ERAP2: variants seen among roughly 807,000 people sequenced by gnomAD.
ERAP2 encodes endoplasmic reticulum aminopeptidase 2.
Under a neutral mutation model 111.1 loss-of-function variants are expected in ERAP2, and 118 were observed. The ratio of observed to expected loss-of-function variants is 1.06; its 90% CI spans 0.92 to 1.24. ERAP2 has a LOEUF of 1.24. Ranked by LOEUF, ERAP2 falls within the 50% of genes most tolerant of loss-of-function variation. ERAP2 has a pLI of 0.00. For synonymous variants in ERAP2, 410 were observed against 401.2 expected, an observed-to-expected ratio of 1.02 and a Z score of -0.26; for missense variants, 1,131 against 1,125.8, an observed-to-expected ratio of 1.00 and a Z score of -0.07.
intron 7 of ERAP2, 99 bp from the exon 8 acceptor site, chr5:96,896,274 A>G: frequency 3.1e-6 from 3 of 953,974 alleles, no homozygotes; most frequent in Non-Finnish European, 4.6e-6. Flanking sequence ...ATCGATTGAA[A>G]TCTTACCTCT....
chr5:96,909,752 G>A lies in ERAP2; in HGVS notation c.2342G>A (p.Ser781Asn). The change falls in exon 15 of 19, where the codon AGT (serine) becomes AAT (asparagine). Residue 781 changes from serine to asparagine, a missense_variant. This residue lies in a region of ERAP2 where 279 missense variants were observed against 250.9 expected (regional missense o/e 1.11). Transcript: ENST00000437043. ...CTCTTCTCCCAGTGGATGGAATCCA[G>A]TGGAAAATTAAAGTAGATGTAGACT... Reference protein sequence around the residue: ...AELFSQWMESSGKLNIPTDVL... With the variant: ...AELFSQWMESNGKLNIPTDVL... 6.2e-7 allele frequency: 1 copy of A among 1,613,972 alleles called. No individual in the cohort carries two copies. Among genetic ancestry groups the A allele is most frequent in the Non-Finnish European group, 8.5e-7 (1 of 1,179,886 alleles).
intron 9 of ERAP2, among the ~76,000 whole-genome samples, chr5:96,898,917 C>T (rs2042383): frequency 0.54 from 82,271 of 151,912 alleles, 22,344 homozygotes; most frequent in Admixed American, 0.59. Flanking sequence ...TCTCCCTTGC[C>T]ATGTGTGTGT....
intron 13 of ERAP2, 122 bp downstream of exon 13, chr5:96,903,682 A>G: frequency 1.1e-6 from 1 of 887,380 alleles, no homozygotes; most frequent in Non-Finnish European, 1.7e-6. Context: ...TGGAATTCAA[A>G]CAGTGATCAC....
In ERAP2 at chr5:96,913,309, T is replaced by G. The variant is rs1382180902; in HGVS notation, c.2517-8T>G. The stretch of plus-strand genomic sequence containing the variant: ...CTATTTAGAAACAAATTATTTTTCT[T>G]TCTTCAGGTTAATTGAACTAGGAAT... On this transcript the variant is annotated splice_polypyrimidine_tract_variant and splice_region_variant and intron_variant, in intron 16 of 18. Coordinates refer to ENST00000437043, the MANE Select transcript of ERAP2 (RefSeq NM_022350.5). 2 of 1,611,938 alleles carry G rather than the reference T, an allele frequency of 1.2e-6. No homozygotes were observed. Among genetic ancestry groups the G allele is most frequent in the Non-Finnish European group, 1.7e-6 (2 of 1,178,618 alleles).
At chr5:96,898,209 A>G (rs1318266676) in intron 9 of ERAP2, among the ~76,000 whole-genome samples, 1 of 151,988 alleles carries the variant, frequency 6.6e-6, no homozygotes, top group Non-Finnish European at 1.5e-5. Flanking sequence ...AATAATAATA[A>G]TAACAATAAT....
In ERAP2 at chr5:96,879,606, C is replaced by A; in HGVS notation, c.-80C>A. ...AAAATATTGTTCAGACCCCATGTGA[C>A]ATAACTGGAGCCAGTGCAGTGCCAT... On this transcript the variant is annotated 5_prime_UTR_variant, in exon 2 of 19. Coordinates refer to ENST00000437043, the MANE Select transcript of ERAP2 (RefSeq NM_022350.5). The A allele has an allele frequency of 8.8e-7, 1 of 1,130,602 alleles. No individual in the cohort carries two copies. Among genetic ancestry groups the A allele is most frequent in the Non-Finnish European group, 1.3e-6 (1 of 765,430 alleles). 70.0% of individuals were successfully genotyped at this position (1,130,602 alleles called of 1,614,324 possible).
intron 6 of ERAP2, among the ~76,000 whole-genome samples, chr5:96,894,245 T>A (rs572420489): frequency 6.6e-6 from 1 of 152,326 alleles, no homozygotes; most frequent in Admixed American, 6.5e-5. Flanking sequence ...CTAGAATCAG[T>A]TTATCCTGTA....
chr5:96,887,653 A>G (rs1005979622), intron 4 of ERAP2, among the ~76,000 whole-genome samples: 2 of 152,192 alleles, frequency 1.3e-5, no homozygotes, highest in African/African-American at 2.4e-5. Context: ...GATCTTTATA[A>G]TTTTTAGAGT....
chr5:96,892,200 A>T, intron 5 of ERAP2, 99 bp from the exon 6 acceptor site: 7 of 1,248,408 alleles, frequency 5.6e-6, no homozygotes, highest in Non-Finnish European at 6.8e-6. Flanking sequence ...AAGTCTGCTT[A>T]AATATGCTTA....
rs556755786 is a variant in ERAP2, at chr5:96,879,101, C to A, written c.-122-463C>A. The stretch of plus-strand genomic sequence containing the variant: ...GAGTGTGGCGGTGTGTGTCTGTAGT[C>A]CCAGCTACTCTGGAGGCTGAGGTGG... On this transcript the variant is annotated intron_variant, in intron 1 of 18. Coordinates refer to ENST00000437043, the MANE Select transcript of ERAP2 (RefSeq NM_022350.5). 3.9e-5 allele frequency among the ~76,000 whole-genome samples: 6 copies of A among 152,208 alleles called. No homozygotes were observed. The South Asian group carries it at 1.2e-3, about 32-fold the overall frequency.
In ERAP2 at chr5:96,909,030, C is replaced by T. The variant is rs141689720; in HGVS notation, c.2082C>T (p.Pro694=). 1.3e-4 allele frequency: 217 copies of T among 1,614,158 alleles called. No homozygotes were observed. The African/African-American group carries it at 2.3e-3, about 17-fold the overall frequency. ...ACCTCCAACATGAAACAAGCAGCCC[C>T]GCACTTCTCGAAGGTCTGAGTTACT... is the stretch of plus-strand genomic sequence containing the variant. ...TYYLQHETSS[P]ALLEGLSYLE... The change falls in exon 14 of 19, where the codon CCC becomes CCT. Residue 694 remains proline, a synonymous_variant. Transcript: ENST00000437043.
At chr5:96,900,539 G>A (rs1375485792) in intron 10 of ERAP2, among the ~76,000 whole-genome samples, 2 of 152,010 alleles carry the variant, frequency 1.3e-5, no homozygotes, top group Non-Finnish European at 2.9e-5. Flanking sequence ...TACAGTATAT[G>A]TTTTTCTTTT....
At chr5:96,886,291 A>T (rs1783701285) in intron 3 of ERAP2, among the ~76,000 whole-genome samples, 1 of 152,228 alleles carries the variant, frequency 6.6e-6, no homozygotes. Flanking sequence ...GAAAGGGGCC[A>T]TTATCTGGTA....
In ERAP2 at chr5:96,918,852, GC is replaced by G. The variant is rs1787713192; in HGVS notation, c.*1248del. ...ATGCAGCACCATATTTTATAACCCAGCTTTAGCATTTCTTCATATTTTAAGG... is the reference window on the plus strand; with the variant it reads ...ATGCAGCACCATATTTTATAACCCAGTTTAGCATTTCTTCATATTTTAAGG... On this transcript the variant is annotated 3_prime_UTR_variant, in exon 19 of 19. Coordinates refer to ENST00000437043, the MANE Select transcript of ERAP2 (RefSeq NM_022350.5). 6.6e-6 allele frequency: 1 copy of G among 152,136 alleles called. No homozygotes were observed. Among genetic ancestry groups the G allele is most frequent in the Non-Finnish European group, 1.5e-5 (1 of 68,020 alleles). The allele number at this position is 152,136 out of a possible 1,614,324, so 9.4% of individuals were successfully genotyped here.
Position 96,887,060 on chromosome 5 carries a change from G to A in ERAP2, c.849+271G>A, listed in dbSNP as rs180753975. On this transcript the variant is annotated intron_variant, in intron 4 of 18. Coordinates refer to ENST00000437043, the MANE Select transcript of ERAP2 (RefSeq NM_022350.5). ...AGTATTTACTTACTATATATGTAAA[G>A]GTAATTTTCAAAGTATATATATATA... Among the ~76,000 whole-genome samples the A allele has an allele frequency of 3.9e-5, 5 of 129,016 alleles. No individual in the cohort carries two copies. The East Asian group carries it at 1.1e-3, about 29-fold the overall frequency. 84.6% of individuals were successfully genotyped at this position (129,016 alleles called of 152,430 possible).
chr5:96,901,680 A>G lies in ERAP2; in HGVS notation c.1747A>G (p.Arg583Gly), dbSNP rs755035442. Reference protein sequence around the residue: ...EDPEWRALQERYLWHIPLTYS... With the variant: ...EDPEWRALQEGYLWHIPLTYS... ...CCCTGAATGGAGGGCCCTGCAGGAG[A>G]GGTGGCTGCTTTTCTTCTTTAGGTC... is the stretch of plus-strand genomic sequence containing the variant. Residue 583 changes from arginine (R) to glycine (G), a missense_variant and splice_region_variant, in exon 11 of 19, where the codon AGG becomes GGG. Arg to Gly is a moderately radical substitution (Grantham distance 125). This residue lies in a region of ERAP2 where 847 missense variants were observed against 856.5 expected (regional missense o/e 0.99). Transcript: ENST00000437043. 8 of 1,613,150 alleles carry G rather than the reference A, an allele frequency of 5.0e-6. No individual in the cohort carries two copies. Among genetic ancestry groups the G allele is most frequent in the Non-Finnish European group, 6.8e-6 (8 of 1,179,648 alleles).
At chr5:96,880,378 A>G in intron 2 of ERAP2, 118 bp downstream of exon 2, 1 of 911,424 alleles carries the variant, frequency 1.1e-6, no homozygotes, top group Non-Finnish European at 1.6e-6. Context: ...ACTATGGGGA[A>G]CCCAGAAGAA....
intron 11 of ERAP2, 50 bp downstream of exon 11, chr5:96,901,731 G>T (rs1016915267): frequency 3.2e-6 from 5 of 1,569,030 alleles, no homozygotes; most frequent in Admixed American, 1.8e-5. Context: ...CAGTTTCCTC[G>T]TTATTTCCTT....
chr5:96,902,547 TC>T (rs1450116048), intron 12 of ERAP2, 194 bp downstream of exon 12: 1 of 506,348 alleles, frequency 2.0e-6, no homozygotes, highest in Non-Finnish European at 3.5e-6. Context: ...TGGGAAGTTC[TC>T]TTGCGCTTTT....
Sources: allele counts gnomAD v4.1 joint callset (sites outside exome capture counted in the v4.1 genomes callset), GRCh38; gene constraint gnomAD v4.1.1; regional missense constraint gnomAD v4.1.1; transcripts MANE v1.5; gene names NCBI Gene and HGNC (gene_info 2026-07-23, HGNC 2026-07-21).